The following CDIN1 variants were observed in gnomAD, a reference collection of about 807,000 sequenced individuals.
The protein encoded by CDIN1 is CDAN1 interacting nuclease 1.
CDIN1 carries 33 observed loss-of-function variants against 45.3 expected under a neutral mutation model. The ratio of observed to expected loss-of-function variants is 0.73; its 90% CI spans 0.55 to 0.97. The LOEUF (loss-of-function observed/expected upper bound fraction) is 0.97. CDIN1 is among the 50% of genes least tolerant of loss of function. The probability of loss-of-function intolerance (pLI) is 0.00; values close to 1 mark genes in which losing one functional copy is unlikely to be tolerated. For synonymous variants in CDIN1, 118 were observed against 124.4 expected, an observed-to-expected ratio of 0.95 and a Z score of 0.34; for missense variants, 303 against 339.4, an observed-to-expected ratio of 0.89 and a Z score of 0.84.
At chr15:36,620,634 A>G (rs2039141044) in intron 1 of CDIN1, among the ~76,000 whole-genome samples, 1 of 152,188 alleles carries the variant, frequency 6.6e-6, no homozygotes, top group African/African-American at 2.4e-5. Context: ...ACATTGAAGT[A>G]TTTACTCTTC....
At chr15:36,720,727 G>T (rs71468822) in intron 10 of CDIN1, among the ~76,000 whole-genome samples, 1 of 152,044 alleles carries the variant, frequency 6.6e-6, no homozygotes, top group African/African-American at 2.4e-5. Context: ...GAATAGTGCC[G>T]CAATAAACAT....
At chr15:36,752,480 A>G (rs1212150610) in intron 10 of CDIN1, among the ~76,000 whole-genome samples, 1 of 152,198 alleles carries the variant, frequency 6.6e-6, no homozygotes, top group Admixed American at 6.6e-5. Context: ...TAAATGAAAT[A>G]TCATATTGCT....
chr15:36,626,347 G>A (rs1447288278), intron 1 of CDIN1, among the ~76,000 whole-genome samples: 1 of 150,412 alleles, frequency 6.6e-6, no homozygotes, highest in Middle Eastern at 3.2e-3. Flanking sequence ...AAGCCACAAA[G>A]GGAGTCCTGC....
intron 5 of CDIN1, among the ~76,000 whole-genome samples, chr15:36,662,854 G>GTTTTTT (rs34007525): frequency 1.6e-5 from 2 of 122,940 alleles, no homozygotes; most frequent in African/African-American, 6.1e-5. Context: ...TCAGATTTTA[G>GTTTTTT]TTTTTTTTTT....
chr15:36,689,197 G>A (rs1423199087), intron 5 of CDIN1, among the ~76,000 whole-genome samples: 1 of 152,140 alleles, frequency 6.6e-6, no homozygotes, highest in Admixed American at 6.5e-5. Context: ...ATATTGTGAG[G>A]AAAATTATGT....
intron 5 of CDIN1, among the ~76,000 whole-genome samples, chr15:36,659,689 T>C (rs1029732738): frequency 1.3e-5 from 2 of 151,178 alleles, no homozygotes; most frequent in East Asian, 3.9e-4. Context: ...ATCATCATAC[T>C]AGGCTATTGT....
intron 5 of CDIN1, among the ~76,000 whole-genome samples, chr15:36,684,666 C>A (rs1250339761): frequency 6.6e-6 from 1 of 152,030 alleles, no homozygotes. Flanking sequence ...ACCAGCTCCT[C>A]CTTGTACCTC....
chr15:36,626,882 T>A, intron 1 of CDIN1: 1 of 209,182 alleles, frequency 4.8e-6, no homozygotes, highest in South Asian at 7.5e-5. Context: ...CTGGGCCATG[T>A]CTGGCACCAT....
intron 10 of CDIN1, among the ~76,000 whole-genome samples, chr15:36,767,444 G>A (rs1041392137): frequency 2.0e-5 from 3 of 152,128 alleles, no homozygotes; most frequent in Non-Finnish European, 4.4e-5. Context: ...GCCTTACAAA[G>A]TCACCTAGTA....
intron 5 of CDIN1, among the ~76,000 whole-genome samples, chr15:36,677,800 A>G (rs1595458680): frequency 6.6e-6 from 1 of 152,186 alleles, no homozygotes; most frequent in East Asian, 1.9e-4. Flanking sequence ...AAGTCAGGAA[A>G]AAAAATTCCA....
At chr15:36,754,151 C>T (rs1464256441) in intron 10 of CDIN1, among the ~76,000 whole-genome samples, 3 of 152,118 alleles carry the variant, frequency 2.0e-5, no homozygotes, top group African/African-American at 7.2e-5. Context: ...CCCACAGTGG[C>T]CCTCTAAGTA....
intron 5 of CDIN1, among the ~76,000 whole-genome samples, chr15:36,660,403 G>T (rs2040961370): frequency 2.0e-5 from 3 of 152,146 alleles, no homozygotes; most frequent in East Asian, 3.9e-4. Flanking sequence ...TCTTTTGGGG[G>T]TGGATTGTAC....
Position 36,619,195 on chromosome 15 carries a change from C to T in CDIN1, c.102-25083C>T, listed in dbSNP as rs182497072. The T allele has an allele frequency of 7.7e-4, 991 of 1,295,272 alleles. 1 individual carries two copies. Among genetic ancestry groups the T allele is most frequent in the Middle Eastern group, 1.9e-3 (9 of 4,694 alleles). 80.2% of individuals were successfully genotyped at this position (1,295,272 alleles called of 1,614,324 possible). On this transcript the variant is annotated intron_variant, in intron 1 of 10. Transcript: ENST00000566621. ...CAGGGAACAGAGATGCCAGTTTAGTCGTAGGGCTATACCTCAGGGAGTGAC... is the reference window on the plus strand; with the variant it reads ...CAGGGAACAGAGATGCCAGTTTAGTTGTAGGGCTATACCTCAGGGAGTGAC...
chr15:36,674,706 G>A (rs1038619005), intron 5 of CDIN1, among the ~76,000 whole-genome samples: 3 of 152,112 alleles, frequency 2.0e-5, no homozygotes, highest in Admixed American at 2.0e-4. Context: ...GCACAGTCTA[G>A]TAGTGACTTT....
chr15:36,655,328 T>A (rs201434341), intron 4 of CDIN1, among the ~76,000 whole-genome samples: 1 of 1,816 alleles, frequency 5.5e-4, no homozygotes, highest in African/African-American at 1.1e-3. Context: ...TTTTTTTGCT[T>A]TTTTTTTTTC....
At chr15:36,690,291 C>CA (rs1295075358) in intron 5 of CDIN1, among the ~76,000 whole-genome samples, 1 of 149,832 alleles carries the variant, frequency 6.7e-6, no homozygotes, top group Non-Finnish European at 1.5e-5. Context: ...TTTTTTGAGA[C>CA]AGAGTCTCGC....
intron 10 of CDIN1, among the ~76,000 whole-genome samples, chr15:36,742,569 A>G (rs970192758): frequency 1.3e-5 from 2 of 152,138 alleles, no homozygotes; most frequent in African/African-American, 4.8e-5. Context: ...GCTTTCTCAC[A>G]ATTTTCTTTA....
intron 10 of CDIN1, among the ~76,000 whole-genome samples, chr15:36,743,895 A>T (rs965650773): frequency 2.0e-5 from 3 of 152,066 alleles, no homozygotes; most frequent in African/African-American, 7.2e-5. Context: ...TCTAAAACAA[A>T]ATAAAACCAA....
intron 1 of CDIN1, among the ~76,000 whole-genome samples, chr15:36,595,622 G>C (rs1252921432): frequency 7.1e-6 from 1 of 140,994 alleles, no homozygotes; most frequent in Non-Finnish European, 1.6e-5. Flanking sequence ...TCTTTTAATC[G>C]AGCCTGCAAA....
Sources: allele counts gnomAD v4.1 joint callset (sites outside exome capture counted in the v4.1 genomes callset), GRCh38; gene constraint gnomAD v4.1.1; transcripts MANE v1.5; gene names NCBI Gene and HGNC (gene_info 2026-07-23, HGNC 2026-07-21).